FRMPD4: variants seen among roughly 807,000 people sequenced by gnomAD.
FRMPD4 encodes FERM and PDZ domain containing 4.
FRMPD4 carries 22 observed loss-of-function variants against 94.1 expected under a neutral mutation model. The ratio of observed to expected loss-of-function variants is 0.23; its 90% CI spans 0.17 to 0.33. The LOEUF (loss-of-function observed/expected upper bound fraction) is 0.33, where lower values mean the gene tolerates loss of function less well. Among genes scored for constraint, FRMPD4 ranks in the 10% least tolerant of loss-of-function variants. FRMPD4 has a pLI of 1.00. For missense variants in FRMPD4, 1,111 were observed against 1,339.9 expected (o/e 0.83, Z 2.67); for synonymous variants, 631 against 548.6 (o/e 1.15, Z -2.10).
intron 2 of FRMPD4, among the ~76,000 whole-genome samples, chrX:12,524,263 A>C (rs1160667671): frequency 2.7e-5 from 3 of 112,318 alleles, no homozygotes; most frequent in African/African-American, 9.7e-5. Context: ...ACTCAGATGG[A>C]CTGGAATCTC....
intron 3 of FRMPD4, among the ~76,000 whole-genome samples, chrX:11,914,112 T>A (rs2054010562): frequency 9.0e-6 from 1 of 111,605 alleles, no homozygotes; most frequent in Non-Finnish European, 1.9e-5. Flanking sequence ...TTGGATAAAT[T>A]AATTCCAGAT....
intron 1 of FRMPD4, among the ~76,000 whole-genome samples, chrX:12,351,012 A>G (rs2055799522): frequency 1.8e-5 from 2 of 111,112 alleles, no homozygotes; most frequent in South Asian, 7.6e-4. Context: ...CGTCTCTACT[A>G]AAAATACAAA....
intron 1 of FRMPD4, among the ~76,000 whole-genome samples, chrX:12,228,633 C>T (rs1304590825): frequency 8.9e-6 from 1 of 112,311 alleles, no homozygotes; most frequent in Non-Finnish European, 1.9e-5. Context: ...CCACAGTTGT[C>T]ATATTGAGTG....
At chrX:12,337,028 G>T (rs2055537856) in intron 1 of FRMPD4, among the ~76,000 whole-genome samples, 1 of 111,276 alleles carries the variant, frequency 9.0e-6, no homozygotes, top group Non-Finnish European at 1.9e-5. Context: ...GAGGAAGTAA[G>T]TGGGCAATGT....
At chrX:12,075,276 G>A (rs2055003866) in intron 3 of FRMPD4, among the ~76,000 whole-genome samples, 1 of 109,428 alleles carries the variant, frequency 9.1e-6, no homozygotes, top group South Asian at 4.0e-4. Context: ...ATGTTGTATC[G>A]ATATAGGTTT....
chrX:12,062,644 G>T (rs1601911600), intron 3 of FRMPD4, among the ~76,000 whole-genome samples: 1 of 111,050 alleles, frequency 9.0e-6, no homozygotes, highest in East Asian at 2.8e-4. Context: ...CTTCATGTTT[G>T]GTGGGTGGGT....
chrX:11,914,300 T>TTC lies in FRMPD4; in HGVS notation c.95+36283_95+36284insCT, dbSNP rs200474709. 6.6e-3 allele frequency among the ~76,000 whole-genome samples: 712 copies of TTC among 107,777 alleles called. 7 individuals are homozygous for TTC. The highest frequency in any genetic ancestry group is 0.022 in the African/African-American group (658 of 29,713). The allele number at this position is 107,777 out of a possible 115,157, so 93.6% of individuals were successfully genotyped here. ...AATATGACTTTTTTTTCTTTTTTTT[T>TTC]TTTTTTTGAAAACGTCTAAGTGCTC... On this transcript the variant is annotated intron_variant, in intron 3 of 18. Coordinates refer to the FRMPD4 transcript ENST00000640291.
At chrX:12,523,709 TTAGTTA>T (rs2058188840) in intron 2 of FRMPD4, among the ~76,000 whole-genome samples, 1 of 111,444 alleles carries the variant, frequency 9.0e-6, no homozygotes, top group Non-Finnish European at 1.9e-5. Flanking sequence ...TAAAACAAAG[TTAGTTA>T]TAGATCTAAT....
chrX:12,480,333 G>GAAAAAAAAAAAAAAAAAAA (rs35074731), intron 1 of FRMPD4, among the ~76,000 whole-genome samples: 1 of 54,670 alleles, frequency 1.8e-5, no homozygotes, highest in Non-Finnish European at 3.1e-5. Context: ...GAAAAGAAAT[G>GAAAAAAAAAAAAAAAAAAA]AAAAAAAAAA....
intron 1 of FRMPD4, among the ~76,000 whole-genome samples, chrX:12,377,700 C>T (rs140300920): frequency 1.8e-5 from 2 of 112,614 alleles, no homozygotes; most frequent in African/African-American, 6.4e-5. Flanking sequence ...ACAATCACAA[C>T]GTTTCAGGTG....
At chrX:12,244,553 A>G in intron 1 of FRMPD4, among the ~76,000 whole-genome samples, 1 of 112,149 alleles carries the variant, frequency 8.9e-6, no homozygotes, top group Non-Finnish European at 1.9e-5. Context: ...ATTGCTACAC[A>G]TATTGTTGCC....
chrX:12,218,524 A>G (rs748316011), intron 1 of FRMPD4, among the ~76,000 whole-genome samples: 15 of 112,397 alleles, frequency 1.3e-4, no homozygotes, highest in Admixed American at 5.6e-4. Flanking sequence ...TATATCATCC[A>G]TAATCAAAAT....
At chrX:12,274,344 G>T (rs992616571) in intron 1 of FRMPD4, among the ~76,000 whole-genome samples, 2 of 111,383 alleles carry the variant, frequency 1.8e-5, no homozygotes, top group South Asian at 3.8e-4. Flanking sequence ...TGCAACTGGG[G>T]TCCTTACACT....
intron 3 of FRMPD4, among the ~76,000 whole-genome samples, chrX:12,035,319 G>T (rs1601895862): frequency 9.0e-6 from 1 of 111,229 alleles, no homozygotes; most frequent in South Asian, 3.8e-4. Flanking sequence ...CACAAAGTTG[G>T]TACCGTGAGC....
intron 2 of FRMPD4, among the ~76,000 whole-genome samples, chrX:12,529,091 A>AC (rs1374935670): frequency 8.9e-6 from 1 of 112,610 alleles, no homozygotes; most frequent in Non-Finnish European, 1.9e-5. Flanking sequence ...AGGGTCTCTC[A>AC]CAAGGCTGCA....
At chrX:11,942,449 AG>A (rs1482872516) in intron 3 of FRMPD4, among the ~76,000 whole-genome samples, 9 of 111,478 alleles carry the variant, frequency 8.1e-5, no homozygotes, top group Non-Finnish European at 1.7e-4. Flanking sequence ...CTTAAATAAA[AG>A]TTAAGGCAGA....
chrX:12,411,737 GC>G (rs763551489), intron 1 of FRMPD4, among the ~76,000 whole-genome samples: 4 of 111,731 alleles, frequency 3.6e-5, no homozygotes, highest in Non-Finnish European at 7.5e-5. Flanking sequence ...AGCTATTTCT[GC>G]CCTCTGTTAT....
intron 3 of FRMPD4, among the ~76,000 whole-genome samples, chrX:12,075,672 G>A (rs1337082419): frequency 9.0e-6 from 1 of 111,539 alleles, no homozygotes; most frequent in African/African-American, 3.3e-5. Context: ...TTCTTGGCCA[G>A]AACTAAATGA....
At chrX:12,313,162 G>A (rs1347411780) in intron 1 of FRMPD4, among the ~76,000 whole-genome samples, 1 of 112,450 alleles carries the variant, frequency 8.9e-6, no homozygotes, top group East Asian at 2.8e-4. Context: ...GCCACGGAGG[G>A]ACAAGTTTCA....
Sources: allele counts gnomAD v4.1 joint callset (sites outside exome capture counted in the v4.1 genomes callset), GRCh38; gene constraint gnomAD v4.1.1; transcripts MANE v1.5; gene names NCBI Gene and HGNC (gene_info 2026-07-23, HGNC 2026-07-21).